The following PRDM15 variants were observed in gnomAD, a reference collection of about 807,000 sequenced individuals.
PRDM15 encodes PR domain zinc finger protein 15.
A neutral mutation model predicts 128.6 loss-of-function variants in PRDM15; 64 were observed. That is an observed-to-expected ratio of 0.50 (90% CI 0.41 to 0.61). The LOEUF (loss-of-function observed/expected upper bound fraction) is 0.61. PRDM15 is among the 20% of genes least tolerant of loss of function. PRDM15 has a pLI of 0.00. For synonymous variants in PRDM15, 615 were observed against 621.8 expected, an observed-to-expected ratio of 0.99 and a Z score of 0.16; for missense variants, 1,242 against 1,569.1, an observed-to-expected ratio of 0.79 and a Z score of 3.52.
At chr21:41,836,417 GC>G (rs1280116498) in intron 9 of PRDM15, 50 bp downstream of exon 9, 1 of 1,562,418 alleles carries the variant, frequency 6.4e-7, no homozygotes, top group Non-Finnish European at 8.7e-7. Context: ...CCCACCCCCA[GC>G]CCCAGTCCTG....
intron 1 of PRDM15, among the ~76,000 whole-genome samples, chr21:41,877,783 G>T (rs914089163): frequency 1.3e-5 from 2 of 152,158 alleles, no homozygotes; most frequent in African/African-American, 4.8e-5. Flanking sequence ...TAACCGTCCC[G>T]CCTGCTTCCA....
chr21:41,854,116 T>C lies in PRDM15; in HGVS notation c.538+450A>G, dbSNP rs1200740126. Among the ~76,000 whole-genome samples, 1 of 152,182 alleles carries C rather than the reference T, an allele frequency of 6.6e-6. No homozygotes were observed. The highest frequency in any genetic ancestry group is 1.5e-5 in the Non-Finnish European group (1 of 68,030). On this transcript the variant is annotated intron_variant, in intron 5 of 23. Coordinates refer to ENST00000398548, the MANE Select transcript of PRDM15 (RefSeq NM_001040424.3). This position sits in a 1 kb window ranked among gnomAD's most constrained non-coding sequence, Gnocchi z 4.6. ...TATTTTTCCTCTATTACTTTGTCTA[T>C]GTTTACATAGACAAATACTGACCAT...
intron 1 of PRDM15, chr21:41,870,791 C>T (rs550216028): frequency 6.6e-6 from 1 of 152,186 alleles, no homozygotes. Flanking sequence ...TGCAGACTCC[C>T]GGGGTCAGCA....
chr21:41,820,876 G>C (rs957538726), intron 16 of PRDM15, among the ~76,000 whole-genome samples, 191 bp downstream of exon 16: 1 of 152,214 alleles, frequency 6.6e-6, no homozygotes, highest in South Asian at 2.1e-4. Flanking sequence ...GGAAGCACAG[G>C]ATAAACCCCA....
chr21:41,800,908 C>CT lies in PRDM15; in HGVS notation c.*331dup, dbSNP rs1240277521. Reference sequence around the variant, plus strand: ...TCCTGCCTCTTAAAATCCTGCTTCTCTCTCAGCTTCACTTTCCCGAACCCT... The same window carrying CT: ...TCCTGCCTCTTAAAATCCTGCTTCTCTTCTCAGCTTCACTTTCCCGAACCCT... On this transcript the variant is annotated 3_prime_UTR_variant, in exon 24 of 24. Transcript: ENST00000398548. 2.1e-5 allele frequency: 6 copies of CT among 285,506 alleles called. No homozygotes were observed. Among genetic ancestry groups the CT allele is most frequent in the Non-Finnish European group, 3.9e-5 (6 of 154,356 alleles). The allele number at this position is 285,506 out of a possible 1,614,324, so 17.7% of individuals were successfully genotyped here. A position where few individuals can be genotyped will look rare whatever the true frequency, so the allele number is the denominator to read the frequency against.
chr21:41,864,710 G>C (rs2145953929), intron 1 of PRDM15, among the ~76,000 whole-genome samples: 1 of 152,106 alleles, frequency 6.6e-6, no homozygotes. Context: ...TTCCTCCTCT[G>C]CCTGGGCCGC....
chr21:41,844,961 G>GAC (rs567726496), intron 6 of PRDM15, among the ~76,000 whole-genome samples: 7 of 9,308 alleles, frequency 7.5e-4, no homozygotes, highest in African/African-American at 1.9e-3. Flanking sequence ...CCCTCACAGG[G>GAC]ACACACACAG....
chr21:41,823,592 T>A, intron 13 of PRDM15, 143 bp from the exon 14 acceptor site: 1 of 809,918 alleles, frequency 1.2e-6, no homozygotes, highest in Non-Finnish European at 1.9e-6. Flanking sequence ...AGTTCCTCAG[T>A]GTGTGAGAGA....
chr21:41,853,185 C>A (rs560148546), intron 5 of PRDM15, among the ~76,000 whole-genome samples: 1 of 152,342 alleles, frequency 6.6e-6, no homozygotes, highest in South Asian at 2.1e-4. Context: ...CAGCGCAGCG[C>A]CGGGACACTC....
chr21:41,801,025 C>G lies in PRDM15; in HGVS notation c.*215G>C. On this transcript the variant is annotated 3_prime_UTR_variant, in exon 24 of 24. Transcript: ENST00000398548. ...GGTAAGGCATGGTGTGGAGCCCCAT[C>G]CAGTTTAAAACTCTGGCCTGCCAGA... 1 of 565,740 alleles carries G rather than the reference C, an allele frequency of 1.8e-6. No homozygotes were observed. The highest frequency in any genetic ancestry group is 2.9e-6 in the Non-Finnish European group (1 of 342,146). 35.0% of individuals were successfully genotyped at this position (565,740 alleles called of 1,614,324 possible). A position where few individuals can be genotyped will look rare whatever the true frequency, so the allele number is the denominator to read the frequency against.
chr21:41,819,818 G>C (rs2062187591), intron 17 of PRDM15, 117 bp from the exon 18 acceptor site: 1 of 1,369,954 alleles, frequency 7.3e-7, no homozygotes, highest in Non-Finnish European at 9.9e-7. Context: ...CGCAGTAACA[G>C]GGGTGGGGTC....
chr21:41,862,961 G>A lies in PRDM15; in HGVS notation c.-9-2589C>T, dbSNP rs1295266688. Among the ~76,000 whole-genome samples, 1 of 152,066 alleles carries A rather than the reference G, an allele frequency of 6.6e-6. No individual in the cohort carries two copies. Among genetic ancestry groups the A allele is most frequent in the Non-Finnish European group, 1.5e-5 (1 of 68,034 alleles). On this transcript the variant is annotated intron_variant, in intron 1 of 23. Coordinates refer to ENST00000398548, the MANE Select transcript of PRDM15 (RefSeq NM_001040424.3). The surrounding 1 kb of genome is among the most constrained non-coding windows in gnomAD (Gnocchi z 4.1). ...AGGACGGGCGATCACTTCAGGTCAG[G>A]AGTTCGAGACCAGCCTGGCCGACAT... is the stretch of plus-strand genomic sequence containing the variant.
At chr21:41,873,094 C>G (rs998140411) in intron 1 of PRDM15, among the ~76,000 whole-genome samples, 2 of 152,222 alleles carry the variant, frequency 1.3e-5, no homozygotes, top group Non-Finnish European at 2.9e-5. Flanking sequence ...TAGCACCTCT[C>G]CTCCTTGTCC....
intron 1 of PRDM15, among the ~76,000 whole-genome samples, chr21:41,874,523 A>ATTTTTTTTTTT (rs879505958): frequency 2.5e-5 from 2 of 78,742 alleles, no homozygotes; most frequent in African/African-American, 4.8e-5. Context: ...ATATATATAT[A>ATTTTTTTTTTT]TATTTTTTTT....
chr21:41,849,196 G>C (rs963718365), intron 5 of PRDM15, among the ~76,000 whole-genome samples: 1 of 152,234 alleles, frequency 6.6e-6, no homozygotes, highest in Non-Finnish European at 1.5e-5. Context: ...CTGCAGGGCC[G>C]CACGAGAGAA....
chr21:41,824,217 C>T (rs1426727982), intron 13 of PRDM15, among the ~76,000 whole-genome samples: 4 of 152,190 alleles, frequency 2.6e-5, no homozygotes, highest in Non-Finnish European at 5.9e-5. Flanking sequence ...ATGAGTGATT[C>T]GCTAGGGAGA....
Position 41,811,056 on chromosome 21 carries a change from CAT to C in PRDM15, c.2393-222_2393-221del. On this transcript the variant is annotated intron_variant, in intron 19 of 23. Transcript: ENST00000398548. The surrounding 1 kb of genome is among the most constrained non-coding windows in gnomAD (Gnocchi z 4.1). ...ATAGTGACATTTCATATCAAAAAAA[CAT>C]GAGATGTGGGAAAGGCTGTCTGAAA... 1 of 533,694 alleles carries C rather than the reference CAT, an allele frequency of 1.9e-6. No homozygotes were observed. The highest frequency in any genetic ancestry group is 2.4e-5 in the South Asian group (1 of 41,186). The allele number at this position is 533,694 out of a possible 1,614,324, so 33.1% of individuals were successfully genotyped here.
chr21:41,810,912 G>A lies in PRDM15; in HGVS notation c.2393-76C>T. 1 of 1,388,606 alleles carries A rather than the reference G, an allele frequency of 7.2e-7. No homozygotes were observed. Among genetic ancestry groups the A allele is most frequent in the Admixed American group, 1.7e-5 (1 of 58,844 alleles). The allele number at this position is 1,388,606 out of a possible 1,614,324, so 86.0% of individuals were successfully genotyped here. On this transcript the variant is annotated intron_variant, in intron 19 of 23. Coordinates refer to ENST00000398548, the MANE Select transcript of PRDM15 (RefSeq NM_001040424.3). The surrounding 1 kb of genome is among the most constrained non-coding windows in gnomAD (Gnocchi z 6.4). ...CCACATCAGGGCATGTCTTCTCCCTGACACGTTCCAGGCACTGTAGGGCCT... is the reference window on the plus strand; with the variant it reads ...CCACATCAGGGCATGTCTTCTCCCTAACACGTTCCAGGCACTGTAGGGCCT...
intron 14 of PRDM15, 59 bp downstream of exon 14, chr21:41,823,259 A>G: frequency 6.3e-7 from 1 of 1,583,020 alleles, no homozygotes; most frequent in Non-Finnish European, 8.6e-7. Context: ...ACTGTGACAG[A>G]CGCTGGCCTG....
Sources: gnomAD v4.1 joint callset for allele counts (sites outside exome capture counted in the v4.1 genomes callset) on GRCh38, gnomAD v4.1.1 for gene constraint, Gnocchi (gnomAD v3.1) non-coding constraint, MANE v1.5 for transcripts, NCBI Gene and HGNC (gene_info 2026-07-23, HGNC 2026-07-21) for gene names.